NCOR2: variants seen among roughly 807,000 people sequenced by gnomAD.
NCOR2 encodes the protein nuclear receptor corepressor 2.
NCOR2 carries 81 observed loss-of-function variants against 262.9 expected under a neutral mutation model. That is an observed-to-expected ratio of 0.31 (90% CI 0.26 to 0.37). NCOR2 has a LOEUF of 0.37. NCOR2 is among the 10% of genes least tolerant of loss of function. NCOR2 has a pLI of 1.00. For missense variants in NCOR2, 3,385 were observed against 3,621.4 expected (o/e 0.93, Z 1.68); for synonymous variants, 1,659 against 1,559.3 (o/e 1.06, Z -1.51).
At chr12:124,547,700 A>G (rs181644496) in intron 1 of NCOR2, among the ~76,000 whole-genome samples, 273 of 152,144 alleles carry the variant, frequency 1.8e-3, no homozygotes, top group Non-Finnish European at 2.9e-3. Flanking sequence ...GCAACCACCA[A>G]TCTGCTTTCT....
intron 18 of NCOR2, among the ~76,000 whole-genome samples, chr12:124,374,747 G>T (rs928929562): frequency 2.0e-5 from 3 of 152,260 alleles, no homozygotes; most frequent in African/African-American, 7.2e-5. Context: ...TGAAAAGTGA[G>T]CTTCAGCCAC....
intron 8 of NCOR2, among the ~76,000 whole-genome samples, chr12:124,434,449 C>T (rs2044211160): frequency 6.6e-6 from 1 of 152,148 alleles, no homozygotes; most frequent in South Asian, 2.1e-4. Flanking sequence ...TCCTTGGTTT[C>T]TGCCTGCCTC....
chr12:124,487,043 G>A (rs1308000805), intron 1 of NCOR2, among the ~76,000 whole-genome samples: 1 of 152,226 alleles, frequency 6.6e-6, no homozygotes, highest in Non-Finnish European at 1.5e-5. Context: ...CCTCCAGCCT[G>A]AGGAGCTGAA....
rs762333827 is a variant in NCOR2 at position 124,495,244 on chromosome 12, C to T, written c.8G>A (p.Gly3Glu). Residue 3 changes from glycine (G) to glutamate (E), a missense_variant, in exon 1 of 47, where the codon GGA becomes GAA. Physicochemically the swap from Gly to Glu is moderately conservative, Grantham distance 98 (BLOSUM62 -2). Around this residue, in one of 5 missense-constraint regions of NCOR2, gnomAD observed 237 missense variants for 229.4 expected, o/e 1.03. Transcript: ENST00000405201. This position sits in a 1 kb window ranked among gnomAD's most constrained non-coding sequence, Gnocchi z 4.4. ...CGTCTGTGCCACAGGCTGTGTGGAT[C>T]CCGACATGGTGGTGGGGGTCGGCGG... 1.9e-6 allele frequency: 3 copies of T among 1,612,638 alleles called. No individual in the cohort carries two copies. The highest frequency in any genetic ancestry group is 2.5e-6 in the Non-Finnish European group (3 of 1,179,418).
At chr12:124,336,434 G>T in intron 38 of NCOR2, 8 of 275,622 alleles carry the variant, frequency 2.9e-5, no homozygotes, top group Non-Finnish European at 5.2e-5. Context: ...ATGGTAAAAT[G>T]ATGTGCAAAT....
chr12:124,566,907 C>G lies in NCOR2; in HGVS notation c.-165+401G>C, dbSNP rs889621556. 6.6e-6 allele frequency among the ~76,000 whole-genome samples: 1 copy of G among 152,216 alleles called. No homozygotes were observed. Among genetic ancestry groups the G allele is most frequent in the Admixed American group, 6.5e-5 (1 of 15,290 alleles). On this transcript the variant is annotated intron_variant, in intron 1 of 32. Transcript: ENST00000458234. This position sits in a 1 kb window ranked among gnomAD's most constrained non-coding sequence, Gnocchi z 4.3. The stretch of plus-strand genomic sequence containing the variant: ...CCAAGGGCTTTCAAACCCGCGCTGC[C>G]CGATGGAAAATAAGGCGCAGTGTCG...
At position 124,517,538 on chromosome 12, in the gene NCOR2, G is replaced by A. The variant is rs901355225; in HGVS notation, c.-118+18027C>T. Among the ~76,000 whole-genome samples, 2 of 152,192 alleles carry A rather than the reference G, an allele frequency of 1.3e-5. No homozygotes were observed. The highest frequency in any genetic ancestry group is 2.4e-5 in the African/African-American group (1 of 41,450). On this transcript the variant is annotated intron_variant, in intron 1 of 46. Coordinates refer to the NCOR2 transcript ENST00000404621. The surrounding 1 kb of genome is among the most constrained non-coding windows in gnomAD (Gnocchi z 7.6). The stretch of plus-strand genomic sequence containing the variant: ...GTGGGGAGCCGGGCGCCGGGGCCGG[G>A]CTGCAGCGCTGCCTGCACCTGGCTC...
chr12:124,512,613 G>A (rs773095351), intron 1 of NCOR2, among the ~76,000 whole-genome samples: 17 of 152,046 alleles, frequency 1.1e-4, no homozygotes, highest in Non-Finnish European at 1.8e-4. Context: ...ACCAGCCCCC[G>A]CCTTTTCTGA....
chr12:124,532,994 CCACCTCCAAATCGCACTTCTCCTTCCCCT>C, intron 1 of NCOR2, among the ~76,000 whole-genome samples: 1 of 80,592 alleles, frequency 1.2e-5, no homozygotes, highest in African/African-American at 3.6e-5. Context: ...CCTCTTTCCC[CCACCTCCAAATCGCACTTCTCCTTCCCCT>C]CCTCCCTCCA....
rs2047623279 is a variant in NCOR2 at position 124,483,787 on chromosome 12, G to A, written c.234-14C>T. ...AGCTCCTGGGACCTGCAGGAGGTGA[G>A]GCATCCAACGTCACATAGGAGATTG... On this transcript the variant is annotated splice_polypyrimidine_tract_variant and intron_variant, in intron 2 of 46. Transcript: ENST00000405201. This position sits in a 1 kb window ranked among gnomAD's most constrained non-coding sequence, Gnocchi z 6.3. The A allele has an allele frequency of 1.3e-6, 2 of 1,582,976 alleles. No individual in the cohort carries two copies. Among genetic ancestry groups the A allele is most frequent in the African/African-American group, 1.3e-5 (1 of 74,146 alleles).
At chr12:124,354,299 T>C (rs1566385340) in intron 26 of NCOR2, 103 bp from the exon 29 acceptor site, 5 of 1,304,098 alleles carry the variant, frequency 3.8e-6, no homozygotes, top group Non-Finnish European at 4.3e-6. Flanking sequence ...CAAGTTGTGC[T>C]AGTTGTTTCA....
At chr12:124,439,920 G>A (rs1016196688) in intron 7 of NCOR2, among the ~76,000 whole-genome samples, 1 of 152,014 alleles carries the variant, frequency 6.6e-6, no homozygotes, top group Non-Finnish European at 1.5e-5. Flanking sequence ...GAGAGTAGAG[G>A]CGGGAGGTTC....
chr12:124,478,993 G>A (rs546913749), intron 3 of NCOR2, among the ~76,000 whole-genome samples: 14 of 152,246 alleles, frequency 9.2e-5, no homozygotes, highest in East Asian at 3.9e-4. Context: ...ACAGAGCAAC[G>A]GTAAGGGACG....
chr12:124,334,219 A>G, intron 41 of NCOR2: 1 of 500,906 alleles, frequency 2.0e-6, no homozygotes. Flanking sequence ...GAACCCACTG[A>G]GCACAGCATG....
At chr12:124,439,902 G>A (rs1030349996) in intron 7 of NCOR2, among the ~76,000 whole-genome samples, 2 of 151,996 alleles carry the variant, frequency 1.3e-5, no homozygotes, top group African/African-American at 4.8e-5. Flanking sequence ...CAAAGGGAGG[G>A]AGCCCTGGAG....
chr12:124,337,048 G>A (rs945502434), exon 38 of NCOR2: 1 of 1,495,614 alleles, frequency 6.7e-7, no homozygotes. Context: ...GGGCGACCCG[G>A]GGGGCCTCCT....
chr12:124,494,021 A>G (rs908342857), intron 1 of NCOR2, among the ~76,000 whole-genome samples: 31 of 152,210 alleles, frequency 2.0e-4, no homozygotes, highest in Admixed American at 5.9e-4. Context: ...AGAGGGATCC[A>G]CAACGCACCC....
chr12:124,460,031 G>C (rs185196928), intron 5 of NCOR2, among the ~76,000 whole-genome samples: 4 of 152,278 alleles, frequency 2.6e-5, no homozygotes, highest in Admixed American at 2.6e-4. Flanking sequence ...CCCCACAGAG[G>C]CCTTCCCTGA....
chr12:124,385,853 G>T, exon 17 of NCOR2: 1 of 1,613,782 alleles, frequency 6.2e-7, no homozygotes. Flanking sequence ...CCATCCGGGC[G>T]ATGGCCGACC....
Sources: allele counts gnomAD v4.1 joint callset (sites outside exome capture counted in the v4.1 genomes callset), GRCh38; gene constraint gnomAD v4.1.1; regional missense constraint gnomAD v4.1.1; non-coding constraint Gnocchi (gnomAD v3.1); transcripts MANE v1.5; gene names NCBI Gene and HGNC (gene_info 2026-07-23, HGNC 2026-07-21).